SNX8: variants seen among roughly 807,000 people sequenced by gnomAD.
SNX8 encodes the protein sorting nexin 8, also known as sorting nexin-8.
Under a neutral mutation model 51.6 loss-of-function variants are expected in SNX8, and 25 were observed. That is an observed-to-expected ratio of 0.48 (90% confidence interval 0.35 to 0.68). The LOEUF (loss-of-function observed/expected upper bound fraction) is 0.68, where lower values mean the gene tolerates loss of function less well. Among genes scored for constraint, SNX8 ranks in the 30% least tolerant of loss-of-function variants. The pLI is 0.00. For synonymous variants in SNX8, 324 were observed against 277.0 expected, an observed-to-expected ratio of 1.17 and a Z score of -1.68; for missense variants, 695 against 624.0, an observed-to-expected ratio of 1.11 and a Z score of -1.21.
chr7:2,257,241 A>C lies in SNX8; in HGVS notation c.1134+124T>G. 5 of 1,248,714 alleles carry C rather than the reference A, an allele frequency of 4.0e-6. No individual in the cohort carries two copies. In the South Asian group the frequency reaches 7.4e-5, roughly 18 times the overall value. The allele number at this position is 1,248,714 out of a possible 1,614,324, so 77.4% of individuals were successfully genotyped here. A position where few individuals can be genotyped will look rare whatever the true frequency, so the allele number is the denominator to read the frequency against. On this transcript the variant is annotated intron_variant, in intron 9 of 10. Coordinates refer to ENST00000222990, the MANE Select transcript of SNX8 (RefSeq NM_013321.4). The stretch of plus-strand genomic sequence containing the variant: ...CGGGCCAGCTCCCTGCCTCCACTGC[A>C]CCCCCAGCTCTGTTCCAGACACAAG...
intron 2 of SNX8, among the ~76,000 whole-genome samples, chr7:2,277,565 C>T (rs1795809124): frequency 6.6e-6 from 1 of 152,082 alleles, no homozygotes; most frequent in South Asian, 2.1e-4. Context: ...CTTTGGGAGG[C>T]CGAGGCGGGT....
chr7:2,331,147 CT>C (rs1366595905), intron 1 of SNX8, among the ~76,000 whole-genome samples: 1 of 135,124 alleles, frequency 7.4e-6, no homozygotes, highest in African/African-American at 2.7e-5. Context: ...GATTGCACTA[CT>C]GCACTCCAGC....
chr7:2,263,227 C>A lies in SNX8; in HGVS notation c.915+3G>T, dbSNP rs1407172853. On this transcript the variant is annotated splice_donor_region_variant and intron_variant, in intron 7 of 10. Transcript: ENST00000222990. ...AGGCGCCTGGGAGAACCGATCCACT[C>A]ACCTGTTGTGCAGCCTTGTCGGCGA... 3 of 1,613,734 alleles carry A rather than the reference C, an allele frequency of 1.9e-6. No individual in the cohort carries two copies.
chr7:2,326,644 C>A (rs771828787), intron 1 of SNX8, among the ~76,000 whole-genome samples: 1 of 151,636 alleles, frequency 6.6e-6, no homozygotes, highest in Non-Finnish European at 1.5e-5. Context: ...CCAGCCTGGG[C>A]GACAGAGTCT....
At chr7:2,276,357 G>A (rs763013938) in intron 2 of SNX8, among the ~76,000 whole-genome samples, 2 of 152,236 alleles carry the variant, frequency 1.3e-5, no homozygotes, top group African/African-American at 4.8e-5. Flanking sequence ...AGACAGCAAG[G>A]CGGCTCTGAC....
Position 2,278,263 on chromosome 7 carries a change from T to C in SNX8, c.137A>G (p.Gln46Arg). Residue 46 changes from glutamine to arginine, a missense_variant, in exon 2 of 11, where the codon CAG (glutamine) becomes CGG (arginine). Gln to Arg is a conservative substitution (Grantham distance 43). Transcript: ENST00000222990. ...CATTCGACTGGGGGCTGGGACCTGC[T>C]GCACGATGGCCTGGGGCTCGATGGC... is the stretch of plus-strand genomic sequence containing the variant. ...PQAIEPQAIV[Q>R]QVPAPSRMQM... 6.2e-7 allele frequency: 1 copy of C among 1,603,350 alleles called. No individual in the cohort carries two copies. The highest frequency in any genetic ancestry group is 8.5e-7 in the Non-Finnish European group (1 of 1,172,124).
intron 6 of SNX8, among the ~76,000 whole-genome samples, chr7:2,263,852 A>G (rs988012162): frequency 2.6e-5 from 4 of 152,114 alleles, no homozygotes; most frequent in African/African-American, 7.2e-5. Flanking sequence ...AGCTGAGATG[A>G]CAGGCACCCG....
intron 1 of SNX8, among the ~76,000 whole-genome samples, chr7:2,351,507 C>G (rs1779137497): frequency 6.6e-6 from 1 of 152,074 alleles, no homozygotes; most frequent in Non-Finnish European, 1.5e-5. Flanking sequence ...CCACTGTACT[C>G]CAGCCTGGGT....
At chr7:2,272,675 C>A (rs1458739827) in intron 3 of SNX8, among the ~76,000 whole-genome samples, 5 of 151,978 alleles carry the variant, frequency 3.3e-5, no homozygotes, top group African/African-American at 9.7e-5. Flanking sequence ...CGCGCCCGGC[C>A]GAGTTTTTCT....
intron 1 of SNX8, among the ~76,000 whole-genome samples, chr7:2,294,381 C>A (rs1796224421): frequency 6.6e-6 from 1 of 152,182 alleles, no homozygotes; most frequent in South Asian, 2.1e-4. Context: ...CCAGTACTGG[C>A]AAGGACTTGG....
chr7:2,270,695 C>T (rs1795623514), intron 4 of SNX8, among the ~76,000 whole-genome samples: 1 of 152,130 alleles, frequency 6.6e-6, no homozygotes, highest in Non-Finnish European at 1.5e-5. Context: ...CTGCCTGCTC[C>T]AGACATCCCC....
intron 1 of SNX8, among the ~76,000 whole-genome samples, chr7:2,298,737 C>G (rs758393509): frequency 1.5e-4 from 22 of 149,920 alleles, no homozygotes; most frequent in Non-Finnish European, 3.0e-4. Flanking sequence ...TGTCCCCCAG[C>G]CTGGAGTGCA....
intron 1 of SNX8, among the ~76,000 whole-genome samples, chr7:2,324,519 G>A (rs1303438923): frequency 6.6e-6 from 1 of 151,926 alleles, no homozygotes; most frequent in Non-Finnish European, 1.5e-5. Flanking sequence ...TCGAACTCCT[G>A]AGCTCAGGCA....
intron 3 of SNX8, 112 bp from the exon 4 acceptor site, chr7:2,272,083 G>C (rs1254197528): frequency 6.2e-6 from 9 of 1,452,494 alleles, no homozygotes; most frequent in Non-Finnish European, 8.4e-6. Context: ...CCAGCGGCTA[G>C]CAGAGGGCAC....
At chr7:2,335,164 C>A (rs1478158917) in intron 1 of SNX8, among the ~76,000 whole-genome samples, 1 of 151,878 alleles carries the variant, frequency 6.6e-6, no homozygotes, top group Non-Finnish European at 1.5e-5. Context: ...CCACTGCACT[C>A]CAGCCTGGGC....
At chr7:2,276,723 C>T (rs931660243) in intron 2 of SNX8, among the ~76,000 whole-genome samples, 1 of 151,658 alleles carries the variant, frequency 6.6e-6, no homozygotes, top group East Asian at 1.9e-4. Flanking sequence ...GGCAGGAGGA[C>T]CACTTGAGCC....
chr7:2,260,476 T>C (rs1584667807), intron 7 of SNX8, among the ~76,000 whole-genome samples: 1 of 152,100 alleles, frequency 6.6e-6, no homozygotes, highest in East Asian at 1.9e-4. Context: ...GTTGGACAAA[T>C]GTGCCCTAAA....
intron 1 of SNX8, among the ~76,000 whole-genome samples, chr7:2,321,289 G>A (rs958972555): frequency 6.6e-6 from 1 of 152,144 alleles, no homozygotes; most frequent in African/African-American, 2.4e-5. Flanking sequence ...TTCATACATC[G>A]TCAGCTCCGC....
At chr7:2,289,563 C>G (rs1038218028) in intron 1 of SNX8, among the ~76,000 whole-genome samples, 2 of 152,112 alleles carry the variant, frequency 1.3e-5, no homozygotes, top group African/African-American at 4.8e-5. Context: ...TTTCCCTTTA[C>G]GTTATAACCA....
Sources: gnomAD v4.1 joint callset for allele counts (sites outside exome capture counted in the v4.1 genomes callset) on GRCh38, gnomAD v4.1.1 for gene constraint, MANE v1.5 for transcripts, NCBI Gene and HGNC (gene_info 2026-07-23, HGNC 2026-07-21) for gene names.